Variants in CADPS2 observed in about 807,000 individuals in gnomAD.
The protein encoded by CADPS2 is calcium dependent secretion activator 2, also known as calcium-dependent secretion activator 2.
CADPS2 carries 93 observed loss-of-function variants against 172.5 expected under a neutral mutation model. The observed-to-expected ratio is 0.54, with a 90% CI of 0.46 to 0.64. CADPS2 has a LOEUF of 0.64. CADPS2 is among the 30% of genes least tolerant of loss of function. The pLI, the probability that CADPS2 is intolerant of heterozygous loss-of-function variation, is 0.00. For synonymous variants in CADPS2, 546 were observed against 555.2 expected (o/e 0.98, Z 0.23); for missense variants, 1,420 against 1,565.9 (o/e 0.91, Z 1.57).
intron 1 of CADPS2, among the ~76,000 whole-genome samples, chr7:122,776,637 G>C (rs2093891696): frequency 6.6e-6 from 1 of 151,628 alleles, no homozygotes; most frequent in African/African-American, 2.4e-5. Flanking sequence ...GAACTTCCTA[G>C]AGACTTAGAG....
chr7:122,714,759 T>C (rs1197642465), intron 2 of CADPS2, among the ~76,000 whole-genome samples: 5 of 152,146 alleles, frequency 3.3e-5, no homozygotes, highest in African/African-American at 1.2e-4. Flanking sequence ...TTCAAGTGTA[T>C]TACTTATAAT....
At chr7:122,867,440 AC>A (rs1818597576) in intron 1 of CADPS2, among the ~76,000 whole-genome samples, 1 of 152,100 alleles carries the variant, frequency 6.6e-6, no homozygotes, top group South Asian at 2.1e-4. Context: ...CACTAACTCC[AC>A]CCTGAGCACC....
intron 1 of CADPS2, among the ~76,000 whole-genome samples, chr7:122,792,571 C>T (rs1470041398): frequency 6.6e-6 from 1 of 152,100 alleles, no homozygotes; most frequent in Non-Finnish European, 1.5e-5. Context: ...CAGACTAAGA[C>T]ACTATTTTAA....
chr7:122,324,657 C>T (rs2033436521), intron 29 of CADPS2, among the ~76,000 whole-genome samples: 1 of 151,964 alleles, frequency 6.6e-6, no homozygotes, highest in Non-Finnish European at 1.5e-5. Flanking sequence ...ATATATACTA[C>T]TAATAAATGG....
intron 1 of CADPS2, among the ~76,000 whole-genome samples, chr7:122,797,121 C>A (rs1256725691): frequency 6.6e-6 from 1 of 152,068 alleles, no homozygotes; most frequent in Non-Finnish European, 1.5e-5. Context: ...CATCACCTAT[C>A]ATTAGAGACA....
At chr7:122,869,863 C>T (rs372200835) in intron 1 of CADPS2, among the ~76,000 whole-genome samples, 31 of 151,882 alleles carry the variant, frequency 2.0e-4, no homozygotes, top group African/African-American at 6.8e-4. Context: ...TTTGTGCAAG[C>T]GATCAAAGTT....
chr7:122,870,521 T>C (rs1247575178), intron 1 of CADPS2, among the ~76,000 whole-genome samples: 2 of 151,970 alleles, frequency 1.3e-5, no homozygotes, highest in East Asian at 1.9e-4. Context: ...AACATTTCAG[T>C]TGAACTGGAA....
intron 5 of CADPS2, among the ~76,000 whole-genome samples, chr7:122,621,190 C>T (rs191384690): frequency 6.6e-6 from 1 of 152,188 alleles, no homozygotes; most frequent in Non-Finnish European, 1.5e-5. Context: ...GTGTGAGCCC[C>T]AATGCTCATC....
At chr7:122,872,246 T>C (rs1180646408) in intron 1 of CADPS2, among the ~76,000 whole-genome samples, 6 of 152,126 alleles carry the variant, frequency 3.9e-5, no homozygotes, top group Non-Finnish European at 8.8e-5. Context: ...GATATGGTGA[T>C]CAAACTTTAT....
intron 19 of CADPS2, chr7:122,409,688 A>G (rs1436852612): frequency 6.4e-6 from 3 of 468,668 alleles, no homozygotes; most frequent in Non-Finnish European, 1.3e-5. Flanking sequence ...CAACAGTTGC[A>G]GTTATCTTGA....
At chr7:122,848,836 G>A (rs749560988) in intron 1 of CADPS2, among the ~76,000 whole-genome samples, 1 of 152,086 alleles carries the variant, frequency 6.6e-6, no homozygotes, top group Admixed American at 6.6e-5. Context: ...AGGAAGATGG[G>A]AAAGGGAGAG....
intron 6 of CADPS2, among the ~76,000 whole-genome samples, chr7:122,606,089 A>T (rs1563836399): frequency 6.6e-6 from 1 of 152,220 alleles, no homozygotes; most frequent in South Asian, 2.1e-4. Flanking sequence ...AATACAAGCC[A>T]TCTAATTTGC....
intron 1 of CADPS2, among the ~76,000 whole-genome samples, chr7:122,828,434 C>A (rs1188717393): frequency 6.6e-6 from 1 of 151,900 alleles, no homozygotes; most frequent in Non-Finnish European, 1.5e-5. Context: ...CATATTAAGT[C>A]TGTGATGTGT....
At chr7:122,680,109 G>A (rs1044819446) in intron 2 of CADPS2, among the ~76,000 whole-genome samples, 1 of 152,138 alleles carries the variant, frequency 6.6e-6, no homozygotes, top group Non-Finnish European at 1.5e-5. Flanking sequence ...TATTGTTGTT[G>A]CAATGGTTAA....
At chr7:122,640,351 A>C (rs542739814) in intron 3 of CADPS2, among the ~76,000 whole-genome samples, 1 of 152,204 alleles carries the variant, frequency 6.6e-6, no homozygotes, top group South Asian at 2.1e-4. Flanking sequence ...TTCTCTAGCC[A>C]CTTCAAAGCA....
chr7:122,456,542 A>G (rs1452561092), intron 14 of CADPS2, among the ~76,000 whole-genome samples: 1 of 152,240 alleles, frequency 6.6e-6, no homozygotes, highest in Non-Finnish European at 1.5e-5. Flanking sequence ...AATTACAGAT[A>G]AAGTCAAAAA....
At chr7:122,715,699 C>T (rs546296661) in intron 2 of CADPS2, among the ~76,000 whole-genome samples, 28 of 149,574 alleles carry the variant, frequency 1.9e-4, no homozygotes, top group Non-Finnish European at 3.7e-4. Context: ...CTCAACACAA[C>T]GCATTGCAAA....
chr7:122,704,251 C>T (rs2086631670), intron 2 of CADPS2, among the ~76,000 whole-genome samples: 1 of 151,294 alleles, frequency 6.6e-6, no homozygotes, highest in African/African-American at 2.4e-5. Flanking sequence ...TTAATATTTG[C>T]TTTTTTAAAA....
intron 9 of CADPS2, among the ~76,000 whole-genome samples, chr7:122,512,639 T>C (rs1313128950): frequency 1.3e-5 from 2 of 152,148 alleles, no homozygotes. Context: ...TTTCTTGGCT[T>C]ATTTGTACTA....
Sources: gnomAD v4.1 joint callset for allele counts (sites outside exome capture counted in the v4.1 genomes callset) on GRCh38, gnomAD v4.1.1 for gene constraint, MANE v1.5 for transcripts, NCBI Gene and HGNC (gene_info 2026-07-23, HGNC 2026-07-21) for gene names.